The following CLTA variants were observed in gnomAD, a reference collection of about 807,000 sequenced individuals.
CLTA encodes the protein clathrin light chain A.
A neutral mutation model predicts 26.9 loss-of-function variants in CLTA; 9 were observed. The observed-to-expected ratio is 0.33, with a 90% confidence interval of 0.20 to 0.58. The LOEUF is 0.58. CLTA is among the 20% of genes least tolerant of loss of function. The pLI, the probability that CLTA is intolerant of heterozygous loss-of-function variation, is 0.85. For missense variants in CLTA, 278 were observed against 294.2 expected, an observed-to-expected ratio of 0.94 and a Z score of 0.40; for synonymous variants, 120 against 115.5, an observed-to-expected ratio of 1.04 and a Z score of -0.25.
At chr9:36,192,297 A>G (rs1228184359) in intron 1 of CLTA, among the ~76,000 whole-genome samples, 1 of 152,210 alleles carries the variant, frequency 6.6e-6, no homozygotes, top group Non-Finnish European at 1.5e-5. Context: ...ATGAGACAGT[A>G]GAAGTGTTGG....
intron 4 of CLTA, among the ~76,000 whole-genome samples, chr9:36,207,129 C>T (rs1390242030): frequency 1.3e-5 from 2 of 152,194 alleles, no homozygotes; most frequent in Non-Finnish European, 2.9e-5. Context: ...ACTAGGAGCA[C>T]GTCGCGCCTG....
chr9:36,207,383 T>TG (rs1295313383), intron 4 of CLTA, among the ~76,000 whole-genome samples: 1 of 152,244 alleles, frequency 6.6e-6, no homozygotes, highest in Non-Finnish European at 1.5e-5. Context: ...AGGTAGCACT[T>TG]GTGCTTGTCA....
intron 1 of CLTA, among the ~76,000 whole-genome samples, chr9:36,195,480 A>C (rs1197474197): frequency 2.0e-5 from 3 of 152,208 alleles, no homozygotes; most frequent in Non-Finnish European, 4.4e-5. Context: ...ACTGGAAATA[A>C]GATTGGCACA....
intron 1 of CLTA, among the ~76,000 whole-genome samples, chr9:36,191,493 G>T (rs189945560): frequency 3.9e-5 from 6 of 152,336 alleles, no homozygotes; most frequent in Non-Finnish European, 8.8e-5. Context: ...CGGGCGGAGC[G>T]AGAAAGCAAG....
At chr9:36,197,655 G>T in intron 2 of CLTA, 67 bp downstream of exon 2, 2 of 1,261,818 alleles carry the variant, frequency 1.6e-6, no homozygotes, top group South Asian at 2.6e-5. Flanking sequence ...GATTTTAATT[G>T]ACTGACCTAG....
chr9:36,196,002 GC>G (rs1827007175), intron 1 of CLTA, among the ~76,000 whole-genome samples: 1 of 151,834 alleles, frequency 6.6e-6, no homozygotes, highest in Non-Finnish European at 1.5e-5. Flanking sequence ...CTGGCTGGGC[GC>G]AGTGGCTCAT....
chr9:36,210,709 G>T (rs369930011), intron 4 of CLTA: 3 of 1,610,240 alleles, frequency 1.9e-6, no homozygotes, highest in South Asian at 1.1e-5. Flanking sequence ...CCATGAAGTC[G>T]CAGTGTTGTA....
chr9:36,210,706 G>T, intron 4 of CLTA: 1 of 1,612,172 alleles, frequency 6.2e-7, no homozygotes, highest in Non-Finnish European at 8.5e-7. Context: ...GTGCCATGAA[G>T]TCGCAGTGTT....
intron 1 of CLTA, among the ~76,000 whole-genome samples, chr9:36,195,021 C>G (rs1023008162): frequency 2.0e-5 from 3 of 152,160 alleles, no homozygotes; most frequent in Non-Finnish European, 4.4e-5. Context: ...CATATTCCAG[C>G]CCAGGGCTGG....
At chr9:36,200,835 C>T (rs1160634680) in intron 3 of CLTA, among the ~76,000 whole-genome samples, 2 of 151,994 alleles carry the variant, frequency 1.3e-5, no homozygotes, top group African/African-American at 2.4e-5. Context: ...TTGAAGTAGC[C>T]ACATGTAGCT....
intron 3 of CLTA, 71 bp from the exon 4 acceptor site, chr9:36,203,997 A>C: frequency 3.1e-6 from 5 of 1,589,744 alleles, no homozygotes; most frequent in Non-Finnish European, 4.3e-6. Context: ...CAGCAAGACC[A>C]AAATAAACTG....
At chr9:36,193,259 C>A (rs999775213) in intron 1 of CLTA, among the ~76,000 whole-genome samples, 2 of 151,460 alleles carry the variant, frequency 1.3e-5, no homozygotes, top group African/African-American at 4.9e-5. Context: ...GTCAGCATTT[C>A]CTTTGGAGTT....
intron 3 of CLTA, 89 bp from the exon 4 acceptor site, chr9:36,203,979 C>T: frequency 6.4e-7 from 1 of 1,555,186 alleles, no homozygotes; most frequent in East Asian, 2.4e-5. Flanking sequence ...CTGCACCCAC[C>T]ACAAGTTCAG....
chr9:36,197,888 C>T (rs1827146396), intron 2 of CLTA, among the ~76,000 whole-genome samples: 1 of 151,908 alleles, frequency 6.6e-6, no homozygotes, highest in Non-Finnish European at 1.5e-5. Flanking sequence ...AATAATTCTC[C>T]TTCCATCTTT....
intron 1 of CLTA, among the ~76,000 whole-genome samples, chr9:36,193,047 C>A (rs1049901732): frequency 6.6e-6 from 1 of 152,176 alleles, no homozygotes; most frequent in Non-Finnish European, 1.5e-5. Flanking sequence ...ACTGACAGAT[C>A]TTGGTGACGG....
intron 1 of CLTA, among the ~76,000 whole-genome samples, chr9:36,196,153 G>A (rs929293529): frequency 7.3e-5 from 11 of 151,594 alleles, no homozygotes; most frequent in Middle Eastern, 3.4e-3. Flanking sequence ...GATAGCTCAC[G>A]CCTGTAGTCC....
At position 36,191,101 on chromosome 9, in the gene CLTA, C is replaced by G; in HGVS notation, c.45C>G (p.Gly15=). 6.3e-7 allele frequency: 1 copy of G among 1,593,734 alleles called. No individual in the cohort carries two copies. The highest frequency in any genetic ancestry group is 8.5e-7 in the Non-Finnish European group (1 of 1,174,622). ...TCGGCGCCCCTGCCGGCGCCCCTGG[C>G]GGTCCCGCGCTGGGGAACGGAGTGG... The part of the protein sequence containing the change: ...DPFGAPAGAP[G]GPALGNGVAG... Residue 15 remains glycine (G), a synonymous_variant, in exon 1 of 5, where the codon GGC becomes GGG. Transcript: ENST00000345519.
At chr9:36,209,221 T>C (rs774197113) in intron 4 of CLTA, 1 of 1,611,578 alleles carries the variant, frequency 6.2e-7, no homozygotes. Flanking sequence ...ATGTTCTCTC[T>C]TTTTTCCTGC....
intron 4 of CLTA, among the ~76,000 whole-genome samples, chr9:36,208,730 GGT>G (rs1251412884): frequency 1.3e-5 from 2 of 152,344 alleles, no homozygotes; most frequent in Non-Finnish European, 2.9e-5. Context: ...GAAACAGGAA[GGT>G]GGCGTGGCTT....
Sources: allele counts gnomAD v4.1 joint callset (sites outside exome capture counted in the v4.1 genomes callset), GRCh38; gene constraint gnomAD v4.1.1; transcripts MANE v1.5; gene names NCBI Gene and HGNC (gene_info 2026-07-23, HGNC 2026-07-21).